The following RCOR1 variants were observed in gnomAD, a reference collection of about 807,000 sequenced individuals.
RCOR1 encodes REST corepressor.
A neutral mutation model predicts 64.0 loss-of-function variants in RCOR1; 12 were observed. The ratio of observed to expected loss-of-function variants is 0.19; its 90% CI spans 0.12 to 0.30. The LOEUF (loss-of-function observed/expected upper bound fraction) is 0.30, where lower values mean the gene tolerates loss of function less well. RCOR1 is among the 10% of genes least tolerant of loss of function. The pLI, the probability that RCOR1 is intolerant of heterozygous loss-of-function variation, is 1.00. For synonymous variants in RCOR1, 279 were observed against 227.2 expected (o/e 1.23, Z -2.05); for missense variants, 502 against 621.2 (o/e 0.81, Z 2.04).
chr14:102,612,794 G>A lies in RCOR1; in HGVS notation c.361+19469G>A, dbSNP rs561572532. 4.6e-5 allele frequency among the ~76,000 whole-genome samples: 7 copies of A among 151,770 alleles called. No individual in the cohort carries two copies. In the South Asian group the frequency reaches 1.5e-3, roughly 32 times the overall value. On this transcript the variant is annotated intron_variant, in intron 2 of 11. Coordinates refer to ENST00000262241, the MANE Select transcript of RCOR1 (RefSeq NM_015156.4). ...GCTTGATGCCAGGAGCTAGAGATCA[G>A]CTTGGGCAACATAGCAAGACCTTGT...
In RCOR1 at chr14:102,598,562, C is replaced by T. The variant is rs565325508; in HGVS notation, c.361+5237C>T. On this transcript the variant is annotated intron_variant, in intron 2 of 11. Transcript: ENST00000262241. ...TCCTGGGTTCATGCCGTTCTCCTGC[C>T]TCAGCCTCCCGAGTAGCTGGGACTA... Among the ~76,000 whole-genome samples the T allele has an allele frequency of 5.6e-4, 49 of 87,902 alleles. 1 individual carries two copies. In the South Asian group the frequency reaches 0.021, roughly 39 times the overall value. 57.7% of individuals were successfully genotyped at this position (87,902 alleles called of 152,430 possible).
At chr14:102,649,328 A>G (rs915743952) in intron 2 of RCOR1, among the ~76,000 whole-genome samples, 10 of 152,222 alleles carry the variant, frequency 6.6e-5, no homozygotes, top group African/African-American at 2.4e-4. Context: ...TGAGAAAAAA[A>G]GTACACAGGG....
chr14:102,613,140 C>T lies in RCOR1; in HGVS notation c.361+19815C>T, dbSNP rs147849558. 8.7e-3 allele frequency among the ~76,000 whole-genome samples: 1,324 copies of T among 151,968 alleles called. 8 individuals are homozygous for T. The highest frequency in any genetic ancestry group is 0.012 in the Non-Finnish European group (835 of 67,970). ...TTTTTGAGATGGAGTCTTGCTCTGT[C>T]GCCCACGCTGGAATGCAGTGGCACA... is the stretch of plus-strand genomic sequence containing the variant. On this transcript the variant is annotated intron_variant, in intron 2 of 11. Transcript: ENST00000262241.
chr14:102,678,154 T>A (rs1895230010), intron 2 of RCOR1, among the ~76,000 whole-genome samples: 1 of 151,950 alleles, frequency 6.6e-6, no homozygotes, highest in Admixed American at 6.5e-5. Context: ...ATGGCAGCAG[T>A]ACCGTCCAGC....
In RCOR1 at chr14:102,721,332, T is replaced by C; in HGVS notation, c.1144T>C (p.Cys382Arg). 6.2e-7 allele frequency: 1 copy of C among 1,613,450 alleles called. No individual in the cohort carries two copies. The highest frequency in any genetic ancestry group is 8.5e-7 in the Non-Finnish European group (1 of 1,179,560). ...PYRLPEVIQK[C>R]NARWTTEEQL... ...TTTGGATATCCAGGTCATTCAGAAATGTAATGCACGTTGGACTACAGAAGA... is the reference window on the plus strand; with the variant it reads ...TTTGGATATCCAGGTCATTCAGAAACGTAATGCACGTTGGACTACAGAAGA... The change falls in exon 10 of 12, where the codon TGT becomes CGT. Residue 382 changes from cysteine to arginine, a missense_variant. This residue lies in a region of RCOR1 where 260 missense variants were observed against 416.4 expected (regional missense o/e 0.62). Transcript: ENST00000262241.
chr14:102,707,588 A>T, intron 5 of RCOR1, 76 bp downstream of exon 5: 2 of 1,179,890 alleles, frequency 1.7e-6, no homozygotes, highest in Non-Finnish European at 2.4e-6. Context: ...TGAGATAGGG[A>T]TATCATACTC....
chr14:102,602,384 CTTTTCTTTTCTT>C (rs1356951874), intron 2 of RCOR1, among the ~76,000 whole-genome samples: 45 of 117,260 alleles, frequency 3.8e-4, no homozygotes, highest in African/African-American at 1.3e-3. Context: ...TTTTTCTTTT[CTTTTCTTTTCTT>C]TTTTTTTTTT....
intron 8 of RCOR1, among the ~76,000 whole-genome samples, chr14:102,717,165 A>T (rs1410256342): frequency 6.6e-6 from 1 of 152,228 alleles, no homozygotes; most frequent in Non-Finnish European, 1.5e-5. Flanking sequence ...TAGTACATTT[A>T]AACTGAAAAT....
chr14:102,721,237 A>T lies in RCOR1; in HGVS notation c.1132-83A>T, dbSNP rs1397806887. The T allele has an allele frequency of 3.0e-6, 4 of 1,314,088 alleles. No individual in the cohort carries two copies. In the South Asian group the frequency reaches 5.0e-5, roughly 16 times the overall value. 81.4% of individuals were successfully genotyped at this position (1,314,088 alleles called of 1,614,324 possible). A position where few individuals can be genotyped will look rare whatever the true frequency, so the allele number is the denominator to read the frequency against. Reference sequence around the variant, plus strand: ...CAGTTGATGTTAAAATTCCGATAAGAGAAAATGAAAGGTTCGTTAAGCTCA... The same window carrying T: ...CAGTTGATGTTAAAATTCCGATAAGTGAAAATGAAAGGTTCGTTAAGCTCA... On this transcript the variant is annotated intron_variant, in intron 9 of 11. Transcript: ENST00000262241.
At chr14:102,700,119 T>C (rs1206339147) in intron 3 of RCOR1, among the ~76,000 whole-genome samples, 2 of 152,238 alleles carry the variant, frequency 1.3e-5, no homozygotes, top group African/African-American at 4.8e-5. Flanking sequence ...AAACTAAAAA[T>C]GACGCCCAAT....
chr14:102,670,146 T>G (rs911471504), intron 2 of RCOR1, among the ~76,000 whole-genome samples: 1 of 152,210 alleles, frequency 6.6e-6, no homozygotes, highest in Non-Finnish European at 1.5e-5. Context: ...AGACGGGGTT[T>G]CACCATGTTG....
At chr14:102,597,250 A>C (rs1893273675) in intron 2 of RCOR1, among the ~76,000 whole-genome samples, 1 of 150,038 alleles carries the variant, frequency 6.7e-6, no homozygotes, top group Non-Finnish European at 1.5e-5. Context: ...GAAACTTAAC[A>C]GGCAGCTTTT....
chr14:102,702,736 A>G (rs2139979646), intron 4 of RCOR1, among the ~76,000 whole-genome samples: 1 of 152,298 alleles, frequency 6.6e-6, no homozygotes, highest in East Asian at 1.9e-4. Context: ...TAGTAAAAAC[A>G]TAGCAAACCC....
chr14:102,707,721 G>A (rs921993328), intron 5 of RCOR1, among the ~76,000 whole-genome samples: 16 of 151,932 alleles, frequency 1.1e-4, no homozygotes, highest in South Asian at 4.1e-4. Flanking sequence ...CCATCCTGTC[G>A]TCTGTGACTG....
chr14:102,614,801 A>G (rs1305850466), intron 2 of RCOR1, among the ~76,000 whole-genome samples: 1 of 152,114 alleles, frequency 6.6e-6, no homozygotes, highest in African/African-American at 2.4e-5. Context: ...GGAAAAGCAT[A>G]TAAAAAACAA....
rs1269815954 is a variant in RCOR1, at chr14:102,593,059, C to G, written c.173C>G (p.Ala58Gly). The G allele has an allele frequency of 2.1e-6, 3 of 1,398,476 alleles. No individual in the cohort carries two copies. Among genetic ancestry groups the G allele is most frequent in the South Asian group, 3.0e-5 (2 of 65,982 alleles). The allele number at this position is 1,398,476 out of a possible 1,614,324, so 86.6% of individuals were successfully genotyped here. ...GCCGCCTCCTCAGCCTCGGCCGCCG[C>G]CGCCTCAGCCGCCGCCGCCCCCAAT... The part of the protein sequence containing the change: ...GAAASSASAA[A>G]ASAAAAPNNG... Residue 58 changes from alanine to glycine, a missense_variant, in exon 1 of 12, where the codon GCC (alanine) becomes GGC (glycine). By Grantham distance (60) the Ala-to-Gly change is moderately conservative. Around this residue, in one of 2 missense-constraint regions of RCOR1, gnomAD observed 242 missense variants for 204.9 expected, o/e 1.18. Coordinates refer to ENST00000262241, the MANE Select transcript of RCOR1 (RefSeq NM_015156.4).
intron 2 of RCOR1, chr14:102,658,779 C>A: frequency 2.9e-6 from 1 of 344,714 alleles, no homozygotes; most frequent in Non-Finnish European, 4.1e-6. Flanking sequence ...TTACTGTATG[C>A]ATTGCATTTA....
Position 102,592,666 on chromosome 14 carries a change from G to A in RCOR1, c.-221G>A. 8.1e-7 allele frequency: 1 copy of A among 1,228,878 alleles called. No homozygotes were observed. The highest frequency in any genetic ancestry group is 1.0e-6 in the Non-Finnish European group (1 of 986,180). 76.1% of individuals were successfully genotyped at this position (1,228,878 alleles called of 1,614,324 possible). A position where few individuals can be genotyped will look rare whatever the true frequency, so the allele number is the denominator to read the frequency against. On this transcript the variant is annotated 5_prime_UTR_variant, in exon 1 of 12. Transcript: ENST00000262241. ...GAGTAGTTGGTGCCAGTGAAGTGAG[G>A]GCGGCGATGAGAGCGAAAGTTGCGC... is the stretch of plus-strand genomic sequence containing the variant.
chr14:102,662,417 A>ATGTT, intron 2 of RCOR1: 1 of 560,252 alleles, frequency 1.8e-6, no homozygotes, highest in South Asian at 1.4e-5. Flanking sequence ...ATCTACAATG[A>ATGTT]ACACAAGTGT....
Sources: gnomAD v4.1 joint callset for allele counts (sites outside exome capture counted in the v4.1 genomes callset) on GRCh38, gnomAD v4.1.1 for gene constraint, gnomAD v4.1.1 regional missense constraint, MANE v1.5 for transcripts, NCBI Gene and HGNC (gene_info 2026-07-23, HGNC 2026-07-21) for gene names.